Variants in XKR6 observed in about 807,000 individuals in gnomAD.
The protein encoded by XKR6 is XK-related protein 6.
Under a neutral mutation model 56.7 loss-of-function variants are expected in XKR6, and 22 were observed. The observed-to-expected ratio is 0.39, with a 90% CI of 0.28 to 0.55. The LOEUF (loss-of-function observed/expected upper bound fraction) is 0.55. Among genes scored for constraint, XKR6 ranks in the 20% least tolerant of loss-of-function variants. The pLI, the probability that XKR6 is intolerant of heterozygous loss-of-function variation, is 0.66. For synonymous variants in XKR6, 524 were observed against 387.8 expected, an observed-to-expected ratio of 1.35 and a Z score of -4.13; for missense variants, 852 against 889.0, an observed-to-expected ratio of 0.96 and a Z score of 0.53.
intron 1 of XKR6, among the ~76,000 whole-genome samples, chr8:11,057,725 C>T (rs1271448166): frequency 6.6e-6 from 1 of 152,190 alleles, no homozygotes. Flanking sequence ...ACCTTCAATG[C>T]CCACCTGTCA....
intron 2 of XKR6, among the ~76,000 whole-genome samples, chr8:10,920,266 A>G (rs560925177): frequency 1.3e-5 from 2 of 152,358 alleles, no homozygotes; most frequent in South Asian, 4.1e-4. Flanking sequence ...CTACAATAAA[A>G]GAACCACTAC....
At chr8:11,066,744 CAGCTGAGGCTCAAGCAGCTCACCGAAG>C (rs967207209) in intron 1 of XKR6, 8 of 152,328 alleles carry the variant, frequency 5.3e-5, no homozygotes, top group Non-Finnish European at 1.2e-4. Flanking sequence ...CTAGATGAGG[CAGCTGAGGCTCAAGCAGCTCACCGAAG>C]ACGTACATCC....
chr8:11,145,668 C>A (rs1800944936), intron 1 of XKR6, among the ~76,000 whole-genome samples: 1 of 152,154 alleles, frequency 6.6e-6, no homozygotes, highest in Admixed American at 6.5e-5. Context: ...GAACTTTACA[C>A]TGAGAACTAC....
chr8:10,949,811 C>A (rs531713122), intron 1 of XKR6, among the ~76,000 whole-genome samples: 53 of 152,214 alleles, frequency 3.5e-4, no homozygotes, highest in Non-Finnish European at 5.4e-4. Context: ...GGGGAGGGTA[C>A]GAGGAAGATT....
intron 1 of XKR6, chr8:11,138,559 T>C (rs1177681092): frequency 6.6e-6 from 1 of 152,320 alleles, no homozygotes; most frequent in East Asian, 1.9e-4. Context: ...AATAATTAAG[T>C]GGAGAAACCA....
intron 1 of XKR6, chr8:11,114,202 T>C (rs1427426551): frequency 8.7e-6 from 3 of 346,410 alleles, no homozygotes; most frequent in Admixed American, 4.2e-5. Context: ...AAAATGAAAA[T>C]GTACACATTT....
chr8:11,084,888 T>A (rs1463989665), intron 1 of XKR6, among the ~76,000 whole-genome samples: 1 of 152,162 alleles, frequency 6.6e-6, no homozygotes, highest in Non-Finnish European at 1.5e-5. Context: ...TATTTGCAGT[T>A]GGTCAGCTCC....
At chr8:11,145,726 C>A (rs767637492) in intron 1 of XKR6, among the ~76,000 whole-genome samples, 1 of 152,082 alleles carries the variant, frequency 6.6e-6, no homozygotes, top group African/African-American at 2.4e-5. Flanking sequence ...TGGAGAGATA[C>A]GCCATATTCA....
chr8:11,120,293 C>T lies in XKR6; in HGVS notation c.764+80283G>A, dbSNP rs181770502. Among the ~76,000 whole-genome samples the T allele has an allele frequency of 7.4e-4, 113 of 152,242 alleles. 1 individual carries two copies. In the East Asian group the frequency reaches 0.019, roughly 26 times the overall value. ...ATTGTATATTTAGAAAACCCCATCG[C>T]CTCAGCCCAAAATCTCCTTAAGCTG... is the stretch of plus-strand genomic sequence containing the variant. On this transcript the variant is annotated intron_variant, in intron 1 of 2. Transcript: ENST00000416569.
At position 10,933,459 on chromosome 8, in the gene XKR6, T is replaced by C. The variant is rs1212857776; in HGVS notation, c.765-8629A>G. Among the ~76,000 whole-genome samples the C allele has an allele frequency of 3.9e-5, 5 of 127,862 alleles. No individual in the cohort carries two copies. The South Asian group carries it at 9.7e-4, about 25-fold the overall frequency. The allele number at this position is 127,862 out of a possible 152,430, so 83.9% of individuals were successfully genotyped here. ...GCCATTGCTTTTGGTGTTTTGGACA[T>C]GAAGTCCTTGCCCACGCCTATGTCC... On this transcript the variant is annotated intron_variant, in intron 1 of 2. Transcript: ENST00000416569.
chr8:11,119,768 A>AT (rs949643621), intron 1 of XKR6, among the ~76,000 whole-genome samples: 3 of 152,192 alleles, frequency 2.0e-5, no homozygotes, highest in Admixed American at 6.5e-5. Context: ...CTTGATGAAC[A>AT]TTGATGCAAA....
rs546449071 is a variant in XKR6, at chr8:11,058,766, A to C, written c.765-133936T>G. 5.6e-4 allele frequency among the ~76,000 whole-genome samples: 85 copies of C among 152,290 alleles called. 2 individuals carry two copies. The highest frequency in any genetic ancestry group is 1.9e-3 in the African/African-American group (81 of 41,554). On this transcript the variant is annotated intron_variant, in intron 1 of 2. Coordinates refer to ENST00000416569, the MANE Select transcript of XKR6 (RefSeq NM_173683.4). ...GGCTTGAAACCTAGATGGCGGGTTG[A>C]TAGGTGCAACAAACCACCACGGCAC...
chr8:11,166,266 T>C (rs1428241084), intron 1 of XKR6, among the ~76,000 whole-genome samples: 1 of 152,216 alleles, frequency 6.6e-6, no homozygotes, highest in African/African-American at 2.4e-5. Context: ...ATCATATTTA[T>C]CGCTGCTTTG....
chr8:11,095,590 T>A (rs759731973), intron 1 of XKR6, among the ~76,000 whole-genome samples: 35 of 152,208 alleles, frequency 2.3e-4, no homozygotes, highest in Non-Finnish European at 4.0e-4. Context: ...AGTGAACAGA[T>A]GTACTGACTG....
rs146807013 is a variant in XKR6 at position 11,028,521 on chromosome 8, A to G, written c.765-103691T>C. Among the ~76,000 whole-genome samples the G allele has an allele frequency of 2.4e-3, 360 of 152,336 alleles. 1 individual carries two copies. Among genetic ancestry groups the G allele is most frequent in the Non-Finnish European group, 4.1e-3 (280 of 68,034 alleles). On this transcript the variant is annotated intron_variant, in intron 1 of 2. Transcript: ENST00000416569. The stretch of plus-strand genomic sequence containing the variant: ...TGTTTAGTTTTGTACAAAACCACCA[A>G]TAGCTGTACTATTTTGAGTTCCCAC...
At chr8:11,044,579 T>C (rs1028160409) in intron 1 of XKR6, among the ~76,000 whole-genome samples, 4 of 151,966 alleles carry the variant, frequency 2.6e-5, no homozygotes, top group Non-Finnish European at 5.9e-5. Context: ...ATATATTCCC[T>C]CAGATCATCC....
At chr8:10,956,222 C>A (rs551108209) in intron 1 of XKR6, among the ~76,000 whole-genome samples, 3 of 152,324 alleles carry the variant, frequency 2.0e-5, no homozygotes, top group East Asian at 3.9e-4. Flanking sequence ...TAGGGCTGAT[C>A]TTCAAAAGTG....
intron 2 of XKR6, among the ~76,000 whole-genome samples, chr8:10,916,089 T>C (rs905727832): frequency 5.3e-5 from 8 of 152,200 alleles, no homozygotes; most frequent in African/African-American, 1.7e-4. Context: ...CTGTGAGCCA[T>C]GGAGAAGGAG....
At chr8:11,111,250 C>T (rs1563143498) in intron 1 of XKR6, among the ~76,000 whole-genome samples, 1 of 152,060 alleles carries the variant, frequency 6.6e-6, no homozygotes, top group African/African-American at 2.4e-5. Context: ...CTTTTGGCTA[C>T]TAATTTTGCA....
Sources: gnomAD v4.1 joint callset for allele counts (sites outside exome capture counted in the v4.1 genomes callset) on GRCh38, gnomAD v4.1.1 for gene constraint, MANE v1.5 for transcripts, NCBI Gene and HGNC (gene_info 2026-07-23, HGNC 2026-07-21) for gene names.